The following CSMD3 variants were observed in gnomAD, a reference collection of about 807,000 sequenced individuals.
CSMD3 encodes the protein CUB and sushi domain-containing protein 3.
CSMD3 carries 177 observed loss-of-function variants against 435.2 expected under a neutral mutation model. That is an observed-to-expected ratio of 0.41 (90% CI 0.36 to 0.46). The LOEUF (loss-of-function observed/expected upper bound fraction) is 0.46. CSMD3 is among the 20% of genes least tolerant of loss of function. The pLI is 0.34. For synonymous variants in CSMD3, 1,656 were observed against 1,520.5 expected (o/e 1.09, Z -2.07); for missense variants, 4,265 against 4,504.6 (o/e 0.95, Z 1.52).
intron 12 of CSMD3, among the ~76,000 whole-genome samples, chr8:112,814,449 G>C (rs2079315475): frequency 6.6e-6 from 1 of 152,106 alleles, no homozygotes; most frequent in African/African-American, 2.4e-5. Context: ...ATAGGGAAAA[G>C]TCTCTTCCAG....
rs530785795 is a variant in CSMD3, at chr8:112,800,202, G to A, written c.1932C>T (p.Asp644=). 1,329 of 1,612,488 alleles carry A rather than the reference G, an allele frequency of 8.2e-4. 19 individuals carry two copies. The South Asian group carries it at 0.011, about 14-fold the overall frequency. Residue 644 remains aspartate (D), a synonymous_variant, in exon 13 of 71, where the codon GAC becomes GAT. Coordinates refer to ENST00000297405, the MANE Select transcript of CSMD3 (RefSeq NM_198123.2). The part of the protein sequence containing the change: ...SSQMWLHLQT[D]ESVGSVGFKV... ...TGAAACCAACAGATCCAACACTTTC[G>A]TCCGTTTGAAGGTGCAGCCACATTT...
chr8:112,638,767 T>C lies in CSMD3; in HGVS notation c.3455A>G (p.Asn1152Ser). 6.2e-7 allele frequency: 1 copy of C among 1,612,762 alleles called. No individual in the cohort carries two copies. The highest frequency in any genetic ancestry group is 8.5e-7 in the Non-Finnish European group (1 of 1,179,050). ...AATGAAACGCAATTGAGCCCTGAAA[T>C]TTCCATAGAGACCAGCATTGATTGT... is the stretch of plus-strand genomic sequence containing the variant. ...PPTINAGLYG[N>S]FRAQLRFISD... is the part of the protein sequence containing the mutation. Residue 1152 changes from asparagine (N) to serine (S), a missense_variant, in exon 21 of 71, where the codon AAT (asparagine) becomes AGT (serine). Transcript: ENST00000297405.
At chr8:113,149,502 A>C (rs527631498) in intron 4 of CSMD3, among the ~76,000 whole-genome samples, 1 of 151,916 alleles carries the variant, frequency 6.6e-6, no homozygotes, top group African/African-American at 2.4e-5. Flanking sequence ...ACAATGCATT[A>C]TTTTGGTTTC....
At chr8:112,997,413 T>C (rs532567749) in intron 6 of CSMD3, among the ~76,000 whole-genome samples, 1 of 151,792 alleles carries the variant, frequency 6.6e-6, no homozygotes, top group East Asian at 1.9e-4. Context: ...TTATGATTCC[T>C]TAATGGATAC....
chr8:112,845,377 C>A (rs1488745671), intron 11 of CSMD3, among the ~76,000 whole-genome samples: 1 of 151,984 alleles, frequency 6.6e-6, no homozygotes, highest in Non-Finnish European at 1.5e-5. Flanking sequence ...GAAGATAGGA[C>A]AGGCTTCTAG....
intron 10 of CSMD3, among the ~76,000 whole-genome samples, chr8:112,899,217 A>G (rs1399058752): frequency 1.3e-5 from 2 of 151,004 alleles, no homozygotes. Flanking sequence ...CACTAATCTT[A>G]CAATTGTCCC....
chr8:112,255,550 C>A, intron 61 of CSMD3, 123 bp from the exon 62 acceptor site: 1 of 845,946 alleles, frequency 1.2e-6, no homozygotes, highest in East Asian at 2.6e-5. Context: ...CATGATAAAG[C>A]TATCCCAATG....
chr8:113,249,997 T>C (rs755400245), intron 3 of CSMD3, among the ~76,000 whole-genome samples: 10 of 152,096 alleles, frequency 6.6e-5, no homozygotes, highest in East Asian at 1.9e-4. Context: ...TTGATAAACA[T>C]AGAAAGTTGC....
chr8:112,782,959 T>C (rs2078430305), intron 13 of CSMD3, among the ~76,000 whole-genome samples: 1 of 151,750 alleles, frequency 6.6e-6, no homozygotes, highest in Non-Finnish European at 1.5e-5. Flanking sequence ...TTCTTCAATC[T>C]GAAAGAAAAA....
intron 13 of CSMD3, among the ~76,000 whole-genome samples, chr8:112,769,132 C>A (rs2078052188): frequency 6.6e-6 from 1 of 151,958 alleles, no homozygotes; most frequent in Non-Finnish European, 1.5e-5. Context: ...ATGGAATGAT[C>A]TCTCACCTAG....
chr8:113,086,586 A>C (rs1484182146), intron 5 of CSMD3, among the ~76,000 whole-genome samples: 1 of 152,172 alleles, frequency 6.6e-6, no homozygotes, highest in Non-Finnish European at 1.5e-5. Flanking sequence ...TATTAAGAAA[A>C]TATATCATAA....
In CSMD3 at chr8:112,947,834, A is replaced by T. The variant is rs1221589463; in HGVS notation, c.1464T>A (p.Asp488Glu). The T allele has an allele frequency of 3.9e-6, 6 of 1,552,848 alleles. No individual in the cohort carries two copies. Among genetic ancestry groups the T allele is most frequent in the East Asian group, 2.3e-5 (1 of 44,350 alleles). The change falls in exon 9 of 71, where the codon GAT (aspartate) becomes GAA (glutamate). Residue 488 changes from aspartate (D) to glutamate (E), a missense_variant. Asp to Glu is a conservative substitution (Grantham distance 45). Around this residue, in one of 3 missense-constraint regions of CSMD3, gnomAD observed 731 missense variants for 755.4 expected, o/e 0.97. Coordinates refer to ENST00000297405, the MANE Select transcript of CSMD3 (RefSeq NM_198123.2). ...GIKTASNLCP[D>E]PGEPENGKRI... ...TCTTCCCATTTTCTGGTTCTCCTGG[A>T]TCTGGGCATAAATTGGAAGCTGTTT...
At chr8:112,682,670 C>A (rs2075927051) in intron 15 of CSMD3, 34 bp from the exon 16 acceptor site, 5 of 1,363,750 alleles carry the variant, frequency 3.7e-6, no homozygotes, top group Non-Finnish European at 5.3e-6. Context: ...AATACACAAA[C>A]AAACAACATT....
At chr8:113,223,314 T>C (rs2092991085) in intron 3 of CSMD3, among the ~76,000 whole-genome samples, 1 of 150,518 alleles carries the variant, frequency 6.6e-6, no homozygotes. Context: ...TTAAGATTTT[T>C]GTGTTCTGAT....
At chr8:113,392,162 C>G (rs1298138054) in intron 1 of CSMD3, among the ~76,000 whole-genome samples, 1 of 152,046 alleles carries the variant, frequency 6.6e-6, no homozygotes, top group East Asian at 1.9e-4. Context: ...GTTTAAGGTG[C>G]TGTTGGTCCA....
chr8:113,224,879 A>C (rs1291898851), intron 3 of CSMD3, among the ~76,000 whole-genome samples: 1 of 151,184 alleles, frequency 6.6e-6, no homozygotes, highest in Non-Finnish European at 1.5e-5. Flanking sequence ...GCATTGTGAA[A>C]TGGGGATTCA....
chr8:112,563,775 T>A (rs1828841299), intron 24 of CSMD3, among the ~76,000 whole-genome samples: 1 of 152,078 alleles, frequency 6.6e-6, no homozygotes, highest in Non-Finnish European at 1.5e-5. Context: ...CAAATTGTCA[T>A]CAGTACTTGG....
At position 113,212,292 on chromosome 8, in the gene CSMD3, A is replaced by G. The variant is rs150093113; in HGVS notation, c.515-38376T>C. ...TGCTGTGGTGAGGATAACCATATTC[A>G]CATAAAGAATGAGGTATATATTGAT... On this transcript the variant is annotated intron_variant, in intron 3 of 70. Coordinates refer to ENST00000297405, the MANE Select transcript of CSMD3 (RefSeq NM_198123.2). Among the ~76,000 whole-genome samples the G allele has an allele frequency of 3.5e-3, 537 of 152,302 alleles. 3 individuals are homozygous for G. Among genetic ancestry groups the G allele is most frequent in the African/African-American group, 0.011 (458 of 41,570 alleles).
chr8:112,542,786 G>A lies in CSMD3; in HGVS notation c.4564+7885C>T, dbSNP rs533643614. ...CAGTTTTGCAAAAGAATAAAAAACT[G>A]AAGGCATCAGACCTCCTCATTTCAA... On this transcript the variant is annotated intron_variant, in intron 27 of 70. Transcript: ENST00000297405. Among the ~76,000 whole-genome samples, 7 of 152,152 alleles carry A rather than the reference G, an allele frequency of 4.6e-5. No individual in the cohort carries two copies. In the East Asian group the frequency reaches 1.4e-3, roughly 29 times the overall value.
Sources: allele counts gnomAD v4.1 joint callset (sites outside exome capture counted in the v4.1 genomes callset), GRCh38; gene constraint gnomAD v4.1.1; regional missense constraint gnomAD v4.1.1; transcripts MANE v1.5; gene names NCBI Gene and HGNC (gene_info 2026-07-23, HGNC 2026-07-21).